FADS2: variants seen among roughly 807,000 people sequenced by gnomAD.
FADS2 encodes fatty acid desaturase 2.
FADS2 carries 18 observed loss-of-function variants against 61.2 expected under a neutral mutation model. The observed-to-expected ratio is 0.29, with a 90% CI of 0.20 to 0.44. The LOEUF (loss-of-function observed/expected upper bound fraction) is 0.44, where lower values mean the gene tolerates loss of function less well. Among genes scored for constraint, FADS2 ranks in the 20% least tolerant of loss-of-function variants. FADS2 has a pLI of 1.00. For synonymous variants in FADS2, 203 were observed against 223.9 expected, an observed-to-expected ratio of 0.91 and a Z score of 0.83; for missense variants, 322 against 572.7, an observed-to-expected ratio of 0.56 and a Z score of 4.47.
chr11:61,864,080 C>T, intron 10 of FADS2: 1 of 389,646 alleles, frequency 2.6e-6, no homozygotes, highest in Non-Finnish European at 4.7e-6. Flanking sequence ...TGCACACGCA[C>T]CTCATGACCC....
intron 5 of FADS2, among the ~76,000 whole-genome samples, chr11:61,849,993 C>T (rs1565333316): frequency 6.6e-6 from 1 of 152,128 alleles, no homozygotes; most frequent in Non-Finnish European, 1.5e-5. Context: ...GATTGCACCA[C>T]TGCACTCCAG....
At chr11:61,863,178 T>C in intron 8 of FADS2, 104 bp from the exon 9 acceptor site, 1 of 1,425,328 alleles carries the variant, frequency 7.0e-7, no homozygotes, top group Admixed American at 1.7e-5. Flanking sequence ...CCTCCCATCC[T>C]GGCCCCTTGG....
At chr11:61,829,334 C>G (rs1470145098) in intron 1 of FADS2, 1 of 152,256 alleles carries the variant, frequency 6.6e-6, no homozygotes, top group Non-Finnish European at 1.5e-5. Context: ...GGCTTGGCAA[C>G]AGGTCCGTCT....
At chr11:61,818,403 C>G (rs1565323487) in intron 1 of FADS2, among the ~76,000 whole-genome samples, 5 of 152,108 alleles carry the variant, frequency 3.3e-5, no homozygotes, top group Admixed American at 2.0e-4. Flanking sequence ...AAAACCTTGC[C>G]CAACAACTTG....
chr11:61,821,723 T>G (rs2067037778), intron 1 of FADS2, among the ~76,000 whole-genome samples: 2 of 152,228 alleles, frequency 1.3e-5, no homozygotes, highest in African/African-American at 4.8e-5. Flanking sequence ...CTAATAAAGT[T>G]GACAGAATCA....
Position 61,861,371 on chromosome 11 carries a change from A to AAAAAAAACAAAAAC in FADS2, c.883-1601_883-1600insAAAAAAACAAAAAC, listed in dbSNP as rs1555078396. 1.9e-5 allele frequency among the ~76,000 whole-genome samples: 2 copies of AAAAAAAACAAAAAC among 106,458 alleles called. 1 individual carries two copies. Among genetic ancestry groups the AAAAAAAACAAAAAC allele is most frequent in the Non-Finnish European group, 4.3e-5 (2 of 46,266 alleles). The allele number at this position is 106,458 out of a possible 152,430, so 69.8% of individuals were successfully genotyped here. On this transcript the variant is annotated intron_variant, in intron 7 of 11. Transcript: ENST00000278840. ...TCCCTCTCAAAAAAAAAAAAAAAAA[A>AAAAAAAACAAAAAC]CAGAAATTAGCTACTCGGGAGGCTG...
chr11:61,824,060 G>A (rs949262157), upstream of FADS2, among the ~76,000 whole-genome samples: 9 of 151,644 alleles, frequency 5.9e-5, no homozygotes, highest in African/African-American at 1.9e-4. Context: ...TTTGAGCCTC[G>A]TTATTAAAAT....
chr11:61,824,318 G>A (rs530645576), upstream of FADS2, among the ~76,000 whole-genome samples: 9 of 150,180 alleles, frequency 6.0e-5, no homozygotes, highest in Admixed American at 2.0e-4. Context: ...GGAGGCAGAG[G>A]TTGCAGTGAG....
chr11:61,852,752 T>C (rs1442929854), intron 5 of FADS2, among the ~76,000 whole-genome samples: 1 of 152,222 alleles, frequency 6.6e-6, no homozygotes, highest in Non-Finnish European at 1.5e-5. Flanking sequence ...GGGATAGTTA[T>C]CTTTTGTCCC....
At position 61,863,281 on chromosome 11, in the gene FADS2, G is replaced by C; in HGVS notation, c.981-1G>C. ...CTGCGCTGAGCTGTGTTCTCTTGCA[G>C]GTTCCTGGAGAGCCACTGGTTTGTG... is the stretch of plus-strand genomic sequence containing the variant. On this transcript the variant is annotated splice_acceptor_variant, in intron 8 of 11. Transcript: ENST00000278840. LOFTEE classifies it high-confidence loss of function. The C allele has an allele frequency of 6.2e-7, 1 of 1,613,522 alleles. No individual in the cohort carries two copies. Among genetic ancestry groups the C allele is most frequent in the Non-Finnish European group, 8.5e-7 (1 of 1,179,474 alleles).
At position 61,837,843 on chromosome 11, in the gene FADS2, T is replaced by C. The variant is rs1259153326; in HGVS notation, c.273T>C (p.Ile91=). The change falls in exon 2 of 12, where the codon ATT becomes ATC. Residue 91 remains isoleucine, a synonymous_variant. Transcript: ENST00000278840. ...FVGKFLKPLL[I]GELAPEEPSQ... is the part of the protein sequence containing the mutation. Reference sequence around the variant, plus strand: ...GCAAGTTCTTGAAACCCCTGCTGATTGGTGAACTGGCCCCGGAGGAGCCCA... The same window carrying C: ...GCAAGTTCTTGAAACCCCTGCTGATCGGTGAACTGGCCCCGGAGGAGCCCA... 1.2e-6 allele frequency: 2 copies of C among 1,613,794 alleles called. No individual in the cohort carries two copies. Among genetic ancestry groups the C allele is most frequent in the Non-Finnish European group, 1.7e-6 (2 of 1,179,938 alleles).
chr11:61,845,958 T>C (rs2067255226), intron 4 of FADS2, among the ~76,000 whole-genome samples: 1 of 152,156 alleles, frequency 6.6e-6, no homozygotes, highest in Non-Finnish European at 1.5e-5. Flanking sequence ...AATAAACATC[T>C]CTGGGTTGGT....
chr11:61,862,102 T>C (rs1223122934), intron 7 of FADS2: 2 of 152,384 alleles, frequency 1.3e-5, no homozygotes, highest in African/African-American at 4.8e-5. Context: ...GAACAGGCCA[T>C]GCAGAGGCCC....
At chr11:61,863,442 T>G in intron 9 of FADS2, 64 bp downstream of exon 9, 2 of 1,261,306 alleles carry the variant, frequency 1.6e-6, no homozygotes, top group Non-Finnish European at 1.2e-6. Flanking sequence ...CCCCAGATGA[T>G]CTGCACCTGC....
intron 5 of FADS2, chr11:61,855,636 C>G (rs991088326): frequency 6.6e-6 from 1 of 152,286 alleles, no homozygotes; most frequent in Non-Finnish European, 1.5e-5. Flanking sequence ...CTGGTTGTGC[C>G]GTGACCATGG....
chr11:61,828,210 C>T, upstream of FADS2: 1 of 1,428,644 alleles, frequency 7.0e-7, no homozygotes, highest in Non-Finnish European at 9.1e-7. This position sits in a 1 kb window ranked among gnomAD's most constrained non-coding sequence, Gnocchi z 6.4. Flanking sequence ...AAGGCAGGGA[C>T]ACTCCCGAGC....
At chr11:61,845,311 C>T (rs1012122252) in intron 4 of FADS2, among the ~76,000 whole-genome samples, 1 of 152,078 alleles carries the variant, frequency 6.6e-6, no homozygotes, top group Non-Finnish European at 1.5e-5. Flanking sequence ...CTCGCAGCTC[C>T]GTGAGGACAA....
At chr11:61,834,647 G>A (rs181985994) in intron 1 of FADS2, among the ~76,000 whole-genome samples, 25 of 152,304 alleles carry the variant, frequency 1.6e-4, no homozygotes, top group African/African-American at 5.5e-4. Context: ...CTATTTGCAA[G>A]CCATTGAGTC....
In FADS2 at chr11:61,865,388, G is replaced by T; in HGVS notation, c.1283+111G>T. On this transcript the variant is annotated intron_variant, in intron 11 of 11. Transcript: ENST00000278840. The surrounding 1 kb of genome is among the most constrained non-coding windows in gnomAD (Gnocchi z 4.1). The stretch of plus-strand genomic sequence containing the variant: ...GGCACAGTCACCCACCAGGGCACCT[G>T]CCTTACTCCCGAGCCTGTGTTAGGA... The T allele has an allele frequency of 7.4e-7, 1 of 1,357,390 alleles. No homozygotes were observed. 84.1% of individuals were successfully genotyped at this position (1,357,390 alleles called of 1,614,324 possible).
Sources: allele counts gnomAD v4.1 joint callset (sites outside exome capture counted in the v4.1 genomes callset), GRCh38; gene constraint gnomAD v4.1.1; non-coding constraint Gnocchi (gnomAD v3.1); transcripts MANE v1.5; gene names NCBI Gene and HGNC (gene_info 2026-07-23, HGNC 2026-07-21).